The following FER variants were observed in gnomAD, a reference collection of about 807,000 sequenced individuals.
The protein encoded by FER is tyrosine-protein kinase Fer.
In FER, 63 loss-of-function variants were observed where a neutral mutation model predicts 111.0. That is an observed-to-expected ratio of 0.57 (90% CI 0.46 to 0.70). FER has a LOEUF of 0.70. FER is among the 30% of genes least tolerant of loss of function. The probability of loss-of-function intolerance (pLI) is 0.00; values close to 1 mark genes in which losing one functional copy is unlikely to be tolerated. For missense variants in FER, 914 were observed against 954.0 expected, an observed-to-expected ratio of 0.96 and a Z score of 0.55; for synonymous variants, 327 against 313.9, an observed-to-expected ratio of 1.04 and a Z score of -0.44.
intron 13 of FER, among the ~76,000 whole-genome samples, chr5:109,001,517 T>A (rs1764770833): frequency 1.3e-5 from 2 of 152,232 alleles, no homozygotes; most frequent in South Asian, 2.1e-4. Flanking sequence ...ACAAACCCAC[T>A]GCCAATATCA....
chr5:108,961,666 A>G (rs1197812288), intron 13 of FER, among the ~76,000 whole-genome samples: 1 of 152,182 alleles, frequency 6.6e-6, no homozygotes, highest in Admixed American at 6.5e-5. Flanking sequence ...AGTTTGTTGC[A>G]AATATTATAC....
intron 9 of FER, among the ~76,000 whole-genome samples, chr5:108,896,243 C>T (rs1026508205): frequency 2.6e-5 from 4 of 151,854 alleles, no homozygotes; most frequent in African/African-American, 9.7e-5. Context: ...CAGTCTTTTC[C>T]AGGACCTGGT....
intron 16 of FER, among the ~76,000 whole-genome samples, chr5:109,083,785 C>G (rs147477313): frequency 6.6e-6 from 1 of 151,968 alleles, no homozygotes; most frequent in African/African-American, 2.4e-5. Flanking sequence ...GGCTTGCTTA[C>G]TGCCTGCTGT....
At chr5:108,911,163 C>T (rs1751494014) in intron 10 of FER, among the ~76,000 whole-genome samples, 1 of 152,134 alleles carries the variant, frequency 6.6e-6, no homozygotes, top group African/African-American at 2.4e-5. Context: ...CATAGCCATT[C>T]TGACTGACGT....
intron 5 of FER, among the ~76,000 whole-genome samples, chr5:108,845,422 A>G (rs1761935255): frequency 6.6e-6 from 1 of 151,862 alleles, no homozygotes; most frequent in Non-Finnish European, 1.5e-5. Flanking sequence ...ACCTCAAGTG[A>G]TATGCCTGCT....
chr5:108,770,484 T>A (rs973556930), intron 2 of FER, among the ~76,000 whole-genome samples: 4 of 152,220 alleles, frequency 2.6e-5, no homozygotes, highest in African/African-American at 9.7e-5. Flanking sequence ...TCCTTTTTTC[T>A]TTCTTTATGG....
chr5:109,024,009 C>T (rs1157757655), intron 13 of FER, among the ~76,000 whole-genome samples: 1 of 152,038 alleles, frequency 6.6e-6, no homozygotes, highest in African/African-American at 2.4e-5. Context: ...TTAGAACCAC[C>T]CTATATAGTA....
rs114640890 is a variant in FER at position 109,070,044 on chromosome 5, A to T, written c.1924+22846A>T. ...ACGTTGAGATTTGCCTATTCTCCTC[A>T]TTAAGTGTAAATCAAACTCATTGGC... On this transcript the variant is annotated intron_variant, in intron 16 of 19. Transcript: ENST00000281092. 3.1e-3 allele frequency among the ~76,000 whole-genome samples: 473 copies of T among 152,186 alleles called. 1 individual carries two copies. The highest frequency in any genetic ancestry group is 0.011 in the African/African-American group (445 of 41,556).
intron 5 of FER, among the ~76,000 whole-genome samples, chr5:108,859,870 A>G (rs1459522095): frequency 6.6e-6 from 1 of 151,468 alleles, no homozygotes; most frequent in Non-Finnish European, 1.5e-5. Context: ...TGATAAATCA[A>G]ATTTTCTTAT....
At chr5:108,955,599 A>C (rs1457002905) in intron 12 of FER, among the ~76,000 whole-genome samples, 1 of 151,846 alleles carries the variant, frequency 6.6e-6, no homozygotes, top group African/African-American at 2.4e-5. Flanking sequence ...TTCAAAATTT[A>C]GCTTTACCCA....
intron 17 of FER, among the ~76,000 whole-genome samples, chr5:109,166,260 TG>T (rs1470105255): frequency 6.6e-6 from 1 of 152,014 alleles, no homozygotes; most frequent in East Asian, 1.9e-4. Flanking sequence ...CACCAAAGCT[TG>T]GAAGAGGGAA....
chr5:108,867,750 G>GTTTTT lies in FER; in HGVS notation c.482-8_482-4dup. On this transcript the variant is annotated splice_polypyrimidine_tract_variant and intron_variant, in intron 5 of 19. Transcript: ENST00000281092. The stretch of plus-strand genomic sequence containing the variant: ...CTTATCTCTTTACTAACTTTCTTCA[G>GTTTTT]TTTTTTTTTTTTTCAGGGAAGGAAA... 16 of 1,505,156 alleles carry GTTTTT rather than the reference G, an allele frequency of 1.1e-5. No individual in the cohort carries two copies. The highest frequency in any genetic ancestry group is 3.7e-5 in the South Asian group (3 of 81,078). The allele number at this position is 1,505,156 out of a possible 1,614,324, so 93.2% of individuals were successfully genotyped here. A position where few individuals can be genotyped will look rare whatever the true frequency, so the allele number is the denominator to read the frequency against.
At chr5:109,140,811 G>T (rs1472452374) in intron 17 of FER, among the ~76,000 whole-genome samples, 1 of 152,104 alleles carries the variant, frequency 6.6e-6, no homozygotes, top group Non-Finnish European at 1.5e-5. Flanking sequence ...AATTGGGAGG[G>T]AAGAGATTGT....
At chr5:109,025,808 T>A (rs1768644112) in intron 13 of FER, among the ~76,000 whole-genome samples, 1 of 152,082 alleles carries the variant, frequency 6.6e-6, no homozygotes. Context: ...AATACCTAAT[T>A]TATTGAGAGT....
At chr5:109,086,151 C>T (rs931365121) in intron 16 of FER, among the ~76,000 whole-genome samples, 7 of 151,624 alleles carry the variant, frequency 4.6e-5, no homozygotes, top group African/African-American at 1.7e-4. Flanking sequence ...CCAATGAAGC[C>T]ATCTGGACCT....
intron 13 of FER, among the ~76,000 whole-genome samples, chr5:108,973,347 G>A (rs1032209642): frequency 2.6e-5 from 4 of 152,068 alleles, no homozygotes; most frequent in Admixed American, 2.6e-4. Context: ...AAGTTTGCAT[G>A]CTAAGAATTT....
rs118082787 is a variant in FER at position 108,905,629 on chromosome 5, A to G, written c.1236+7781A>G. The stretch of plus-strand genomic sequence containing the variant: ...GTCAAAGAGATTTAGAAGCTGTTAC[A>G]GGATTTGGTCGGAGACATGAAGCAC... On this transcript the variant is annotated intron_variant, in intron 10 of 19. Transcript: ENST00000281092. Among the ~76,000 whole-genome samples the G allele has an allele frequency of 5.8e-4, 88 of 152,284 alleles. 1 individual carries two copies. In the East Asian group the frequency reaches 0.014, roughly 24 times the overall value.
intron 17 of FER, among the ~76,000 whole-genome samples, chr5:109,133,118 A>G (rs764936002): frequency 3.1e-4 from 47 of 152,294 alleles, no homozygotes; most frequent in Non-Finnish European, 6.2e-4. Context: ...AAATGTTAGT[A>G]TGTTCTTGGG....
In FER at chr5:108,849,809, T is replaced by C. The variant is rs571509102; in HGVS notation, c.481+14002T>C. Among the ~76,000 whole-genome samples the C allele has an allele frequency of 6.6e-5, 10 of 152,256 alleles. 2 individuals carry two copies. In the South Asian group the frequency reaches 1.9e-3, roughly 28 times the overall value. The stretch of plus-strand genomic sequence containing the variant: ...TCTAATAAAGCTATAAGACTTCTAG[T>C]CCAAGGAGAAAATGTAGAACATTGC... On this transcript the variant is annotated intron_variant, in intron 5 of 19. Transcript: ENST00000281092.
Sources: allele counts gnomAD v4.1 joint callset (sites outside exome capture counted in the v4.1 genomes callset), GRCh38; gene constraint gnomAD v4.1.1; transcripts MANE v1.5; gene names NCBI Gene and HGNC (gene_info 2026-07-23, HGNC 2026-07-21).